The following AFF3 variants were observed in gnomAD, a reference collection of about 807,000 sequenced individuals.
AFF3 encodes ALF transcription elongation factor 3, also known as AF4/FMR2 family member 3.
Under a neutral mutation model 129.7 loss-of-function variants are expected in AFF3, and 32 were observed. That is an observed-to-expected ratio of 0.25 (90% CI 0.19 to 0.33). The LOEUF is 0.33. Ranked by LOEUF, AFF3 falls within the 10% of genes least tolerant of loss-of-function variation. AFF3 has a pLI of 1.00. For missense variants in AFF3, 1,373 were observed against 1,592.0 expected (o/e 0.86, Z 2.34); for synonymous variants, 644 against 635.4 (o/e 1.01, Z -0.20).
In AFF3 at chr2:99,906,017, A is replaced by G. The variant is rs138979257; in HGVS notation, c.874-68493T>C. Among the ~76,000 whole-genome samples, 240 of 152,334 alleles carry G rather than the reference A, an allele frequency of 1.6e-3. 1 individual carries two copies. The highest frequency in any genetic ancestry group is 5.5e-3 in the African/African-American group (228 of 41,578). The stretch of plus-strand genomic sequence containing the variant: ...GCCTGACTAATGCATGGCTGGAAAC[A>G]TAAAAGAAACTTTCATAGGTCCCAA... On this transcript the variant is annotated intron_variant, in intron 7 of 24. Coordinates refer to ENST00000672756, the MANE Select transcript of AFF3 (RefSeq NM_001386135.1).
At chr2:99,902,134 T>G (rs2106149303) in intron 7 of AFF3, among the ~76,000 whole-genome samples, 1 of 151,908 alleles carries the variant, frequency 6.6e-6, no homozygotes, top group Middle Eastern at 3.4e-3. Flanking sequence ...CTGACATATT[T>G]GGAAGTATAT....
Position 99,565,541 on chromosome 2 carries a change from G to A in AFF3, c.3065C>T (p.Pro1022Leu), listed in dbSNP as rs1383730010. 1.2e-6 allele frequency: 2 copies of A among 1,614,040 alleles called. No individual in the cohort carries two copies. The highest frequency in any genetic ancestry group is 1.7e-5 in the Admixed American group (1 of 59,996). ...CGTATAAGGAGATTTGGATTCCATG[G>A]GGCCTTGTTCCATTGCATTTCCACA... ...IECGNAMEQGPMESKSPYTMY... is the reference protein window; with the variant it reads ...IECGNAMEQGLMESKSPYTMY... The change falls in exon 20 of 25, where the codon CCC becomes CTC. Residue 1022 changes from proline to leucine, a missense_variant. Coordinates refer to ENST00000672756, the MANE Select transcript of AFF3 (RefSeq NM_001386135.1).
intron 16 of AFF3, among the ~76,000 whole-genome samples, chr2:99,586,612 T>C (rs1260464395): frequency 6.6e-6 from 1 of 152,192 alleles, no homozygotes. Context: ...GCTTTGCTTG[T>C]AAGCCATTCA....
At chr2:99,839,668 G>A (rs1373865333) in intron 7 of AFF3, among the ~76,000 whole-genome samples, 1 of 150,558 alleles carries the variant, frequency 6.6e-6, no homozygotes, top group Non-Finnish European at 1.5e-5. Context: ...CTGGAGTGCA[G>A]TGGCGCGATA....
chr2:99,960,947 C>T (rs1677157742), intron 7 of AFF3, among the ~76,000 whole-genome samples: 1 of 152,224 alleles, frequency 6.6e-6, no homozygotes, highest in Admixed American at 6.5e-5. Flanking sequence ...CCTACTTTCA[C>T]ACAGCCTTGT....
intron 7 of AFF3, among the ~76,000 whole-genome samples, chr2:99,863,761 C>T (rs915119167): frequency 6.6e-6 from 1 of 152,164 alleles, no homozygotes; most frequent in Admixed American, 6.5e-5. Context: ...AACTGAGCAG[C>T]CCTGGGCCAG....
At chr2:99,605,650 G>A (rs1026532566) in intron 13 of AFF3, among the ~76,000 whole-genome samples, 6 of 152,176 alleles carry the variant, frequency 3.9e-5, no homozygotes, top group African/African-American at 9.6e-5. Context: ...CCCTGCAGAC[G>A]AGTGCTAGTG....
chr2:99,687,551 A>G (rs1675192748), intron 11 of AFF3, among the ~76,000 whole-genome samples: 1 of 152,152 alleles, frequency 6.6e-6, no homozygotes. Flanking sequence ...AGGAGACAGG[A>G]GCTAGAGGAG....
chr2:99,778,743 T>C (rs1489606806), intron 8 of AFF3, among the ~76,000 whole-genome samples: 2 of 152,228 alleles, frequency 1.3e-5, no homozygotes, highest in Admixed American at 1.3e-4. Context: ...TTGGATGCTA[T>C]TGTAAATGAA....
At chr2:99,842,646 T>C (rs115208962) in intron 7 of AFF3, among the ~76,000 whole-genome samples, 2,845 of 152,326 alleles carry the variant, frequency 0.019, 60 homozygotes, top group African/African-American at 0.048. Flanking sequence ...TACAGCACTG[T>C]CTAGCATGTG....
intron 13 of AFF3, among the ~76,000 whole-genome samples, chr2:99,643,989 G>C (rs963772612): frequency 6.6e-6 from 1 of 152,172 alleles, no homozygotes; most frequent in African/African-American, 2.4e-5. Flanking sequence ...CACTCGTCTG[G>C]CTGGTGAAGC....
rs184483168 is a variant in AFF3, at chr2:99,578,359, G to A, written c.2886C>T (p.Asp962=). Residue 962 remains aspartate, a synonymous_variant, in exon 18 of 25, where the codon GAC becomes GAT. Transcript: ENST00000672756. ...CGAAGACAAGTTTCTGCCTCTTGCA[G>A]TCCCTGTGGCCGTTGGAGCCTGGAG... ...PWSPGSNGHR[D]CKRQKLVFDD... 6.2e-7 allele frequency: 1 copy of A among 1,605,472 alleles called. No homozygotes were observed. The highest frequency in any genetic ancestry group is 1.3e-5 in the African/African-American group (1 of 74,536).
chr2:100,117,226 A>G (rs1460954905), intron 2 of AFF3, among the ~76,000 whole-genome samples: 1 of 152,094 alleles, frequency 6.6e-6, no homozygotes, highest in African/African-American at 2.4e-5. Flanking sequence ...ATTTTGGCCC[A>G]TTGATTCTCT....
intron 7 of AFF3, among the ~76,000 whole-genome samples, chr2:99,901,244 A>C (rs534585755): frequency 1.8e-4 from 28 of 152,346 alleles, no homozygotes; most frequent in Admixed American, 3.9e-4. Flanking sequence ...TACCTCCCCA[A>C]GGCATTATGT....
chr2:99,764,313 A>G (rs1682838782), intron 8 of AFF3, among the ~76,000 whole-genome samples: 1 of 152,106 alleles, frequency 6.6e-6, no homozygotes, highest in Non-Finnish European at 1.5e-5. Context: ...TGAACTCTCC[A>G]CAGAGAGGAT....
intron 8 of AFF3, among the ~76,000 whole-genome samples, chr2:99,807,129 TG>T (rs1686414725): frequency 6.6e-6 from 1 of 152,086 alleles, no homozygotes; most frequent in African/African-American, 2.4e-5. Context: ...GAGAGAAAGT[TG>T]CTGTTCCCAT....
chr2:99,659,936 G>A (rs1161564368), intron 12 of AFF3, among the ~76,000 whole-genome samples: 6 of 152,136 alleles, frequency 3.9e-5, no homozygotes. Context: ...CTGCTCATCT[G>A]GGCTTTGGTC....
intron 2 of AFF3, among the ~76,000 whole-genome samples, chr2:100,118,565 T>A (rs1169436399): frequency 6.6e-6 from 1 of 152,204 alleles, no homozygotes; most frequent in African/African-American, 2.4e-5. Flanking sequence ...TATGAGCCAT[T>A]TAAATGTAAC....
intron 7 of AFF3, among the ~76,000 whole-genome samples, chr2:99,879,984 C>T (rs919565928): frequency 1.4e-4 from 22 of 152,156 alleles, no homozygotes; most frequent in African/African-American, 4.1e-4. Flanking sequence ...CAGATGGTTA[C>T]GTGTTCATTT....
Sources: allele counts gnomAD v4.1 joint callset (sites outside exome capture counted in the v4.1 genomes callset), GRCh38; gene constraint gnomAD v4.1.1; transcripts MANE v1.5; gene names NCBI Gene and HGNC (gene_info 2026-07-23, HGNC 2026-07-21).